The following SLC4A5 variants were observed in gnomAD, a reference collection of about 807,000 sequenced individuals.
SLC4A5 encodes the protein electrogenic sodium bicarbonate cotransporter 4.
SLC4A5 carries 96 observed loss-of-function variants against 120.4 expected under a neutral mutation model. The observed-to-expected ratio is 0.80, with a 90% CI of 0.68 to 0.94. SLC4A5 has a LOEUF of 0.94. Ranked by LOEUF, SLC4A5 falls within the 40% of genes least tolerant of loss-of-function variation. SLC4A5 has a pLI of 0.00. For synonymous variants in SLC4A5, 550 were observed against 571.1 expected (o/e 0.96, Z 0.53); for missense variants, 1,259 against 1,459.5 (o/e 0.86, Z 2.24).
chr2:74,251,996 C>A (rs1297439698), intron 16 of SLC4A5, among the ~76,000 whole-genome samples, 183 bp downstream of exon 16: 1 of 152,194 alleles, frequency 6.6e-6, no homozygotes, highest in African/African-American at 2.4e-5. Context: ...GTCTCAAATT[C>A]CCCTCTCCTG....
intron 4 of SLC4A5, among the ~76,000 whole-genome samples, chr2:74,329,700 A>G (rs1432992085): frequency 6.6e-6 from 1 of 151,114 alleles, no homozygotes; most frequent in East Asian, 2.0e-4. Flanking sequence ...ATGTAGAGAG[A>G]GGTGGTGAGA....
At chr2:74,224,761 C>G (rs1694781779) in intron 28 of SLC4A5, 79 bp downstream of exon 28, 3 of 1,546,792 alleles carry the variant, frequency 1.9e-6, no homozygotes, top group Admixed American at 4.1e-5. Context: ...CAAGAAGCCG[C>G]CCTCTCCCTG....
intron 25 of SLC4A5, 108 bp downstream of exon 25, chr2:74,231,128 G>A: frequency 1.0e-6 from 1 of 975,744 alleles, no homozygotes. Context: ...TTTCTTAGGG[G>A]GCTGATAGGC....
chr2:74,283,838 CTTTT>C (rs1215361312), intron 8 of SLC4A5, among the ~76,000 whole-genome samples: 2 of 139,224 alleles, frequency 1.4e-5, no homozygotes, highest in Non-Finnish European at 1.6e-5. Flanking sequence ...AATCTTATTC[CTTTT>C]TTTTTTTTTT....
At chr2:74,244,074 T>C (rs556982003) in intron 19 of SLC4A5, among the ~76,000 whole-genome samples, 11 of 152,340 alleles carry the variant, frequency 7.2e-5, no homozygotes, top group African/African-American at 2.6e-4. Context: ...AGGTGGCCCA[T>C]GGACCGGGAA....
At chr2:74,275,161 G>C (rs144968115) in intron 8 of SLC4A5, among the ~76,000 whole-genome samples, 30 of 152,300 alleles carry the variant, frequency 2.0e-4, no homozygotes, top group African/African-American at 6.0e-4. Context: ...ATGAACTGCA[G>C]TGGCACAGCT....
intron 7 of SLC4A5, 135 bp from the exon 8 acceptor site, chr2:74,286,037 G>T: frequency 1.0e-6 from 1 of 976,296 alleles, no homozygotes; most frequent in Non-Finnish European, 1.4e-6. Flanking sequence ...TCCAGCTCCT[G>T]GGTGATGCTG....
chr2:74,315,063 A>G (rs777916777), intron 5 of SLC4A5, 38 bp from the exon 6 acceptor site: 10 of 1,513,664 alleles, frequency 6.6e-6, no homozygotes, highest in Non-Finnish European at 9.2e-6. Flanking sequence ...AAATGTATAC[A>G]TTAAAAAGGG....
chr2:74,288,594 T>C (rs1672059960), intron 7 of SLC4A5, among the ~76,000 whole-genome samples: 4 of 152,202 alleles, frequency 2.6e-5, no homozygotes. Context: ...TGGCTAACAC[T>C]TAAATCTTGA....
At chr2:74,313,047 G>C (rs555195610) in intron 6 of SLC4A5, among the ~76,000 whole-genome samples, 166 of 138,102 alleles carry the variant, frequency 1.2e-3, no homozygotes, top group Middle Eastern at 7.8e-3. Context: ...CCCCTTTTTG[G>C]TCTTTTTTTT....
intron 6 of SLC4A5, among the ~76,000 whole-genome samples, 188 bp from the exon 7 acceptor site, chr2:74,304,868 CT>C (rs1244723565): frequency 1.3e-5 from 2 of 152,164 alleles, no homozygotes; most frequent in African/African-American, 4.8e-5. Flanking sequence ...TCAACAGTTG[CT>C]GGAGGGAATA....
At chr2:74,308,513 T>C (rs1487173678) in intron 6 of SLC4A5, among the ~76,000 whole-genome samples, 1 of 152,250 alleles carries the variant, frequency 6.6e-6, no homozygotes, top group Non-Finnish European at 1.5e-5. Context: ...TTGCCATCTG[T>C]ATATCTTCTT....
intron 25 of SLC4A5, among the ~76,000 whole-genome samples, chr2:74,229,104 C>CTTTTTTTTTTTTTTTTTTTT (rs55689286): frequency 4.1e-5 from 4 of 98,590 alleles, no homozygotes; most frequent in South Asian, 3.8e-4. Context: ...TAGATTTGAG[C>CTTTTTTTTTTTTTTTTTTTT]TTTTTTTTTT....
chr2:74,254,681 A>G (rs1388078623), exon 14 of SLC4A5: 1 of 1,614,080 alleles, frequency 6.2e-7, no homozygotes. Context: ...GCTCTCCCAG[A>G]AGGTCCCAGT....
intron 6 of SLC4A5, among the ~76,000 whole-genome samples, chr2:74,313,857 A>C (rs1471647786): frequency 6.6e-6 from 1 of 152,142 alleles, no homozygotes; most frequent in Non-Finnish European, 1.5e-5. Context: ...AAATGAAAAG[A>C]AGCAGGTATA....
intron 19 of SLC4A5, 46 bp downstream of exon 19, chr2:74,246,990 G>A (rs370461401): frequency 6.9e-6 from 11 of 1,599,090 alleles, no homozygotes; most frequent in Admixed American, 3.4e-5. Context: ...TCAGGGGGCC[G>A]GTGGGGTAGG....
At chr2:74,265,419 C>T (rs1051345345) in intron 8 of SLC4A5, among the ~76,000 whole-genome samples, 155 bp from the exon 9 acceptor site, 5 of 152,116 alleles carry the variant, frequency 3.3e-5, no homozygotes, top group African/African-American at 1.2e-4. Flanking sequence ...CTTGGGGATC[C>T]CCTCATTTGT....
At chr2:74,304,658 C>G (rs762544375) in exon 7 of SLC4A5, 11 of 1,613,778 alleles carry the variant, frequency 6.8e-6, no homozygotes, top group Non-Finnish European at 8.5e-6. Context: ...GTACTGGAAG[C>G]CCAATGTGGA....
At chr2:74,252,310 G>A (rs1670818638) in exon 16 of SLC4A5, 1 of 1,612,858 alleles carries the variant, frequency 6.2e-7, no homozygotes, top group Non-Finnish European at 8.5e-7. Flanking sequence ...CACCTCCATT[G>A]CCTCCTCCAG....
Sources: allele counts gnomAD v4.1 joint callset (sites outside exome capture counted in the v4.1 genomes callset), GRCh38; gene constraint gnomAD v4.1.1; transcripts MANE v1.5; gene names NCBI Gene and HGNC (gene_info 2026-07-23, HGNC 2026-07-21).